Variants in TPRG1 observed in about 807,000 individuals in gnomAD.
TPRG1 encodes the protein tumor protein p63-regulated gene 1 protein.
A neutral mutation model predicts 29.3 loss-of-function variants in TPRG1; 29 were observed. The ratio of observed to expected loss-of-function variants is 0.99; its 90% CI spans 0.74 to 1.35. The LOEUF (loss-of-function observed/expected upper bound fraction) is 1.35, where lower values mean the gene tolerates loss of function less well. Ranked by LOEUF, TPRG1 falls within the 40% of genes most tolerant of loss-of-function variation. TPRG1 has a pLI of 0.00. For synonymous variants in TPRG1, 130 were observed against 116.8 expected (o/e 1.11, Z -0.73); for missense variants, 327 against 335.0 (o/e 0.98, Z 0.19).
At chr3:189,293,349 G>A (rs1356279723) in intron 4 of TPRG1, among the ~76,000 whole-genome samples, 1 of 152,130 alleles carries the variant, frequency 6.6e-6, no homozygotes, top group African/African-American at 2.4e-5. Context: ...TGCAGGGCTA[G>A]CCACTTTCTT....
intron 4 of TPRG1, among the ~76,000 whole-genome samples, chr3:189,052,517 A>G (rs550556176): frequency 1.1e-4 from 17 of 152,334 alleles, no homozygotes; most frequent in African/African-American, 3.6e-4. Flanking sequence ...CACAGCCACT[A>G]TGGAAAACAG....
At chr3:189,184,400 A>G (rs1324528400) in intron 1 of TPRG1, among the ~76,000 whole-genome samples, 1 of 152,248 alleles carries the variant, frequency 6.6e-6, no homozygotes, top group African/African-American at 2.4e-5. Context: ...TTACGAAACA[A>G]CACTGATAGC....
intron 5 of TPRG1, 35 bp downstream of exon 5, chr3:189,310,574 C>T: frequency 6.4e-7 from 1 of 1,564,724 alleles, no homozygotes; most frequent in Non-Finnish European, 8.7e-7. Context: ...CTCAGATTAG[C>T]TTTGTTGCTG....
At chr3:189,272,043 G>T (rs543637826) in intron 4 of TPRG1, among the ~76,000 whole-genome samples, 8 of 152,270 alleles carry the variant, frequency 5.3e-5, no homozygotes, top group African/African-American at 1.7e-4. Context: ...GGATTCTAAT[G>T]AAATCATGTG....
At chr3:189,278,671 C>T (rs1338818075) in intron 4 of TPRG1, among the ~76,000 whole-genome samples, 1 of 152,194 alleles carries the variant, frequency 6.6e-6, no homozygotes, top group Non-Finnish European at 1.5e-5. Context: ...CATCTGAAAA[C>T]ATCTCCTATG....
intron 4 of TPRG1, among the ~76,000 whole-genome samples, chr3:189,289,251 C>T (rs1718592159): frequency 6.6e-6 from 1 of 152,182 alleles, no homozygotes; most frequent in Non-Finnish European, 1.5e-5. Flanking sequence ...ATTATCTTCC[C>T]AATTATGCAG....
At chr3:189,106,085 CAA>C (rs768384892) in intron 1 of TPRG1, among the ~76,000 whole-genome samples, 12 of 152,026 alleles carry the variant, frequency 7.9e-5, no homozygotes, top group Non-Finnish European at 1.8e-4. Context: ...CACTGAAAAA[CAA>C]AGACACTGTT....
intron 4 of TPRG1, among the ~76,000 whole-genome samples, chr3:189,088,401 G>A (rs569674443): frequency 6.6e-6 from 1 of 152,296 alleles, no homozygotes; most frequent in African/African-American, 2.4e-5. Flanking sequence ...GAGATTTGGG[G>A]CTGAGACGAT....
chr3:189,118,266 T>A (rs1201932290), intron 1 of TPRG1, among the ~76,000 whole-genome samples: 1 of 152,104 alleles, frequency 6.6e-6, no homozygotes, highest in Non-Finnish European at 1.5e-5. Context: ...GCCCTAGAGA[T>A]CTGTGGAACT....
intron 4 of TPRG1, among the ~76,000 whole-genome samples, chr3:189,272,731 C>CT (rs1715427142): frequency 6.9e-6 from 1 of 144,646 alleles, no homozygotes; most frequent in African/African-American, 2.8e-5. Context: ...TTCCTTCCTT[C>CT]CTTCCTTCCT....
intron 3 of TPRG1, among the ~76,000 whole-genome samples, chr3:189,223,349 T>C (rs1457361262): frequency 3.3e-5 from 5 of 152,186 alleles, no homozygotes; most frequent in Admixed American, 3.3e-4. Context: ...GTGCCTCAAA[T>C]CTATCAAGAT....
intron 1 of TPRG1, chr3:189,207,107 C>T: frequency 2.2e-6 from 2 of 892,470 alleles, no homozygotes; most frequent in Non-Finnish European, 2.7e-6. Flanking sequence ...TTCTCTTGTT[C>T]AGGTTCCTGT....
intron 1 of TPRG1, among the ~76,000 whole-genome samples, chr3:189,118,023 G>C (rs757847687): frequency 6.6e-6 from 1 of 152,206 alleles, no homozygotes; most frequent in Non-Finnish European, 1.5e-5. Flanking sequence ...AAGACAGGAA[G>C]ATGTGGGAAA....
chr3:189,305,616 A>G (rs1267910324), intron 4 of TPRG1, among the ~76,000 whole-genome samples: 1 of 152,216 alleles, frequency 6.6e-6, no homozygotes, highest in Non-Finnish European at 1.5e-5. Flanking sequence ...TATCCTGCCA[A>G]CAACGGTGTT....
At chr3:189,036,280 G>A (rs1714264253) in intron 4 of TPRG1, among the ~76,000 whole-genome samples, 1 of 152,044 alleles carries the variant, frequency 6.6e-6, no homozygotes. Context: ...GGTAGAATGG[G>A]GCTAGGGTTG....
chr3:189,122,008 T>G (rs1368572794), intron 1 of TPRG1: 1 of 152,012 alleles, frequency 6.6e-6, no homozygotes, highest in East Asian at 1.9e-4. Flanking sequence ...TTATGTTTGT[T>G]GATGGGTTGG....
intron 1 of TPRG1, among the ~76,000 whole-genome samples, chr3:189,178,236 T>C (rs922921714): frequency 6.6e-6 from 1 of 152,170 alleles, no homozygotes; most frequent in African/African-American, 2.4e-5. Context: ...AACAGAAGTA[T>C]GCTTTCATGG....
intron 1 of TPRG1, among the ~76,000 whole-genome samples, chr3:189,110,507 C>T (rs1048424757): frequency 6.6e-6 from 1 of 151,990 alleles, no homozygotes; most frequent in Non-Finnish European, 1.5e-5. Flanking sequence ...TATCTTCCTA[C>T]TGGTATCTTT....
At chr3:189,207,706 C>A in intron 2 of TPRG1, 112 bp downstream of exon 2, 1 of 996,422 alleles carries the variant, frequency 1.0e-6, no homozygotes, top group Non-Finnish European at 1.5e-6. Context: ...CTCATGTAAT[C>A]GTCATAATAA....
Sources: allele counts gnomAD v4.1 joint callset (sites outside exome capture counted in the v4.1 genomes callset), GRCh38; gene constraint gnomAD v4.1.1; transcripts MANE v1.5; gene names NCBI Gene and HGNC (gene_info 2026-07-23, HGNC 2026-07-21).